TBC1D20: variants seen among roughly 807,000 people sequenced by gnomAD.
The protein encoded by TBC1D20 is chromosome 20 open reading frame 140.
In TBC1D20, 12 loss-of-function variants were observed where a neutral mutation model predicts 41.6. That is an observed-to-expected ratio of 0.29 (90% CI 0.18 to 0.47). The LOEUF (loss-of-function observed/expected upper bound fraction) is 0.47. Ranked by LOEUF, TBC1D20 falls within the 20% of genes least tolerant of loss-of-function variation. The pLI, the probability that TBC1D20 is intolerant of heterozygous loss-of-function variation, is 1.00. For missense variants in TBC1D20, 421 were observed against 517.4 expected (o/e 0.81, Z 1.81); for synonymous variants, 205 against 204.8 (o/e 1.00, Z -0.01).
intron 3 of TBC1D20, 59 bp downstream of exon 3, chr20:444,991 G>T: frequency 2.1e-6 from 3 of 1,450,988 alleles, no homozygotes; most frequent in Non-Finnish European, 2.9e-6. Context: ...AGGTCACATG[G>T]TATGACCTGG....
At chr20:454,125 C>T (rs968732185) in intron 1 of TBC1D20, among the ~76,000 whole-genome samples, 1 of 151,138 alleles carries the variant, frequency 6.6e-6, no homozygotes, top group African/African-American at 2.4e-5. Context: ...CGCCTGTAGT[C>T]CCAGCTACTC....
intron 2 of TBC1D20, among the ~76,000 whole-genome samples, chr20:447,108 C>T (rs370085489): frequency 1.1e-4 from 17 of 150,862 alleles, no homozygotes; most frequent in African/African-American, 4.1e-4. Flanking sequence ...GCCACCATAC[C>T]TGGCTAATGT....
At chr20:461,448 G>A (rs921080170) in intron 1 of TBC1D20, among the ~76,000 whole-genome samples, 3 of 152,160 alleles carry the variant, frequency 2.0e-5, no homozygotes, top group African/African-American at 7.2e-5. Context: ...TAGCCTCTAA[G>A]TCCTGGGCTC....
intron 2 of TBC1D20, among the ~76,000 whole-genome samples, chr20:445,359 A>G (rs2017312987): frequency 6.6e-6 from 1 of 152,170 alleles, no homozygotes; most frequent in Admixed American, 6.6e-5. Context: ...ACTGCCCAGG[A>G]GACAATACAG....
At chr20:452,208 G>C (rs919351110) in intron 1 of TBC1D20, among the ~76,000 whole-genome samples, 1 of 152,208 alleles carries the variant, frequency 6.6e-6, no homozygotes, top group African/African-American at 2.4e-5. Context: ...TCATGAGGCT[G>C]AAAGAGGAGA....
At chr20:440,680 C>A (rs577387085) in intron 5 of TBC1D20, 1 of 309,552 alleles carries the variant, frequency 3.2e-6, no homozygotes, top group Non-Finnish European at 6.0e-6. Context: ...CAGAGAACTA[C>A]GCCATGATTC....
intron 1 of TBC1D20, chr20:450,821 T>C (rs1195252768): frequency 1.3e-5 from 2 of 152,130 alleles, no homozygotes; most frequent in Admixed American, 1.3e-4. Flanking sequence ...TTAGTAGCTA[T>C]CATATCATTT....
chr20:438,230 G>A lies in TBC1D20; in HGVS notation c.*356C>T. ...TCCCATGTTCCAGTTCACCTTCTAT[G>A]GGGTGACTAGGAGGTTCCCGGTAAC... On this transcript the variant is annotated 3_prime_UTR_variant, in exon 8 of 8. Transcript: ENST00000354200. The A allele has an allele frequency of 4.0e-6, 1 of 249,524 alleles. No individual in the cohort carries two copies. Among genetic ancestry groups the A allele is most frequent in the East Asian group, 9.3e-5 (1 of 10,790 alleles). 15.5% of individuals were successfully genotyped at this position (249,524 alleles called of 1,614,324 possible). A position where few individuals can be genotyped will look rare whatever the true frequency, so the allele number is the denominator to read the frequency against.
chr20:459,681 A>G (rs1483256914), intron 1 of TBC1D20, among the ~76,000 whole-genome samples: 1 of 152,162 alleles, frequency 6.6e-6, no homozygotes, highest in Non-Finnish European at 1.5e-5. Flanking sequence ...GGCAAAGCAG[A>G]CTTTATTTGA....
At chr20:452,425 T>C (rs774268509) in intron 1 of TBC1D20, among the ~76,000 whole-genome samples, 26 of 152,080 alleles carry the variant, frequency 1.7e-4, no homozygotes, top group Non-Finnish European at 3.4e-4. Flanking sequence ...GTCCACAAAA[T>C]CGAGAACAGC....
At chr20:445,177 G>C (rs1196413977) in intron 2 of TBC1D20, 47 bp from the exon 3 acceptor site, 27 of 1,454,906 alleles carry the variant, frequency 1.9e-5, no homozygotes, top group Non-Finnish European at 2.6e-5. Context: ...TGAGAAGCCA[G>C]ACCAGAAGCA....
chr20:456,611 C>A (rs1387138930), intron 1 of TBC1D20, among the ~76,000 whole-genome samples: 1 of 152,144 alleles, frequency 6.6e-6, no homozygotes, highest in Admixed American at 6.5e-5. Context: ...GTTGCCCAGG[C>A]TGGAGCGCAG....
intron 2 of TBC1D20, among the ~76,000 whole-genome samples, chr20:446,668 A>C (rs531709442): frequency 6.6e-6 from 1 of 151,714 alleles, no homozygotes; most frequent in Admixed American, 6.6e-5. Context: ...TGTGTGTTTA[A>C]TTTTACTTTA....
intron 1 of TBC1D20, among the ~76,000 whole-genome samples, chr20:457,637 G>A (rs2017564600): frequency 6.6e-6 from 1 of 152,198 alleles, no homozygotes; most frequent in Non-Finnish European, 1.5e-5. Context: ...ACCATGTCCA[G>A]GAAACAAAGA....
chr20:438,077 A>C lies in TBC1D20; in HGVS notation c.*509T>G, dbSNP rs1178156294. 1 of 154,674 alleles carries C rather than the reference A, an allele frequency of 6.5e-6. No individual in the cohort carries two copies. Among genetic ancestry groups the C allele is most frequent in the East Asian group, 1.9e-4 (1 of 5,222 alleles). The allele number at this position is 154,674 out of a possible 1,614,324, so 9.6% of individuals were successfully genotyped here. On this transcript the variant is annotated 3_prime_UTR_variant, in exon 8 of 8. Transcript: ENST00000354200. ...ATCAGCTGATGGAGCTGCTAGTAAG[A>C]GGGGCCGATCATGCTCCCAGACGAG...
At chr20:454,971 C>T (rs1905182962) in intron 1 of TBC1D20, among the ~76,000 whole-genome samples, 1 of 152,118 alleles carries the variant, frequency 6.6e-6, no homozygotes, top group Non-Finnish European at 1.5e-5. Flanking sequence ...CAGGTCTGGC[C>T]CATTATTAAC....
chr20:441,157 C>T (rs2017222294), intron 5 of TBC1D20: 1 of 150,750 alleles, frequency 6.6e-6, no homozygotes, highest in African/African-American at 2.4e-5. Context: ...GCCAAGAACA[C>T]ATTTCCAACT....
At chr20:453,664 G>C (rs1220709497) in intron 1 of TBC1D20, among the ~76,000 whole-genome samples, 1 of 138,778 alleles carries the variant, frequency 7.2e-6, no homozygotes, top group African/African-American at 2.8e-5. Flanking sequence ...TCCTGCCTCA[G>C]TCTCCTGAGT....
At chr20:461,420 A>C (rs2017627298) in intron 1 of TBC1D20, among the ~76,000 whole-genome samples, 1 of 152,240 alleles carries the variant, frequency 6.6e-6, no homozygotes, top group Admixed American at 6.5e-5. Flanking sequence ...GCCGGAGTGC[A>C]GTGGCGCAAT....
Sources: allele counts gnomAD v4.1 joint callset (sites outside exome capture counted in the v4.1 genomes callset), GRCh38; gene constraint gnomAD v4.1.1; transcripts MANE v1.5; gene names NCBI Gene and HGNC (gene_info 2026-07-23, HGNC 2026-07-21).